The following CACNA1E variants were observed in gnomAD, a reference collection of about 807,000 sequenced individuals.
CACNA1E encodes the protein calcium voltage-gated channel subunit alpha1 E.
In CACNA1E, 40 loss-of-function variants were observed where a neutral mutation model predicts 259.2. The ratio of observed to expected loss-of-function variants is 0.15; its 90% CI spans 0.12 to 0.20. CACNA1E has a LOEUF of 0.20. CACNA1E is among the 10% of genes least tolerant of loss of function. The pLI is 1.00. For synonymous variants in CACNA1E, 1,104 were observed against 1,138.5 expected, an observed-to-expected ratio of 0.97 and a Z score of 0.61; for missense variants, 1,874 against 3,040.1, an observed-to-expected ratio of 0.62 and a Z score of 9.02.
intron 1 of CACNA1E, among the ~76,000 whole-genome samples, chr1:181,334,226 G>A (rs1008794385): frequency 1.2e-4 from 18 of 152,152 alleles, no homozygotes; most frequent in African/African-American, 3.9e-4. Context: ...CCCTCTCCTC[G>A]TGTTCATTGC....
In CACNA1E at chr1:181,726,068, G is replaced by T; in HGVS notation, c.2146G>T (p.Glu716Ter). The T allele has an allele frequency of 6.2e-7, 1 of 1,610,528 alleles. No individual in the cohort carries two copies. The highest frequency in any genetic ancestry group is 1.1e-5 in the South Asian group (1 of 90,244). The change falls in exon 18 of 48, where the codon GAA (glutamate) becomes TAA (stop). Residue 716 changes from glutamate (E) to a stop codon, truncating the protein, a stop_gained. Transcript: ENST00000367573. LOFTEE classifies it high-confidence loss of function. ...GCCATCTCTGCTTTGTGTCTAGGAT[G>T]AACAGGAGGAAGAAGAGGCCTTCAA... ...LANAQELTKD[E>*]QEEEEAFNQK...
intron 1 of CACNA1E, among the ~76,000 whole-genome samples, chr1:181,488,026 T>C (rs1010192697): frequency 6.6e-6 from 1 of 152,238 alleles, no homozygotes; most frequent in Non-Finnish European, 1.5e-5. Flanking sequence ...TGATTTCTTA[T>C]TGTAGAGAAT....
At chr1:181,614,544 C>A (rs1482416744) in intron 6 of CACNA1E, among the ~76,000 whole-genome samples, 1 of 152,202 alleles carries the variant, frequency 6.6e-6, no homozygotes, top group Non-Finnish European at 1.5e-5. Flanking sequence ...GTGTTTGAAG[C>A]AGATACTTGC....
intron 3 of CACNA1E, among the ~76,000 whole-genome samples, chr1:181,524,374 C>A (rs1023751596): frequency 1.3e-5 from 2 of 152,192 alleles, no homozygotes; most frequent in African/African-American, 4.8e-5. Context: ...AACAATGTGA[C>A]CCGTACAGAG....
chr1:181,461,251 G>T (rs1046323327), intron 2 of CACNA1E, among the ~76,000 whole-genome samples: 22 of 152,148 alleles, frequency 1.4e-4, no homozygotes, highest in African/African-American at 5.1e-4. Flanking sequence ...TAGTTTAAAA[G>T]AAGTGTTGGG....
At chr1:181,595,069 T>C (rs1653025396) in intron 6 of CACNA1E, among the ~76,000 whole-genome samples, 1 of 152,228 alleles carries the variant, frequency 6.6e-6, no homozygotes, top group Non-Finnish European at 1.5e-5. Flanking sequence ...TGTTAGGATA[T>C]TTCTCTTTCC....
At chr1:181,325,928 C>A (rs1038539933) in intron 1 of CACNA1E, among the ~76,000 whole-genome samples, 21 of 152,212 alleles carry the variant, frequency 1.4e-4, no homozygotes, top group Admixed American at 1.3e-3. Flanking sequence ...TGTGTGCCTG[C>A]CACACCAGGC....
At chr1:181,787,568 T>C (rs1660953749) in intron 43 of CACNA1E, among the ~76,000 whole-genome samples, 1 of 152,198 alleles carries the variant, frequency 6.6e-6, no homozygotes. Flanking sequence ...CAATATTTAT[T>C]AAGAGCCAAT....
At chr1:181,471,384 C>T (rs1272808766) in intron 2 of CACNA1E, among the ~76,000 whole-genome samples, 1 of 152,212 alleles carries the variant, frequency 6.6e-6, no homozygotes, top group Non-Finnish European at 1.5e-5. Context: ...CTTAGTTTCT[C>T]TGATCTTTAT....
rs190461818 is a variant in CACNA1E, at chr1:181,696,857, A to G, written c.1056-14097A>G. Among the ~76,000 whole-genome samples the G allele has an allele frequency of 5.3e-5, 8 of 152,342 alleles. No homozygotes were observed. In the East Asian group the frequency reaches 1.5e-3, roughly 29 times the overall value. On this transcript the variant is annotated intron_variant, in intron 7 of 47. Coordinates refer to ENST00000367573, the MANE Select transcript of CACNA1E (RefSeq NM_001205293.3). Reference sequence around the variant, plus strand: ...TGATTACTTGCAAAAGAATTTGACTATTTTATTTATGCTAGTGACAACTAG... The same window carrying G: ...TGATTACTTGCAAAAGAATTTGACTGTTTTATTTATGCTAGTGACAACTAG...
At chr1:181,472,611 G>A (rs1662583657) in intron 2 of CACNA1E, among the ~76,000 whole-genome samples, 1 of 152,214 alleles carries the variant, frequency 6.6e-6, no homozygotes. Flanking sequence ...ATGACACCGA[G>A]TTTACAAAGC....
chr1:181,385,458 A>G (rs746882870), intron 1 of CACNA1E, among the ~76,000 whole-genome samples: 86 of 152,186 alleles, frequency 5.7e-4, no homozygotes, highest in Non-Finnish European at 1.0e-3. Context: ...TCTATTTTTC[A>G]TTTCACTGGG....
chr1:181,612,294 C>T (rs1280210121), intron 6 of CACNA1E, among the ~76,000 whole-genome samples: 3 of 152,216 alleles, frequency 2.0e-5, no homozygotes, highest in Admixed American at 6.5e-5. Context: ...ATCTCAGTCA[C>T]GTGATGCACT....
chr1:181,319,214 T>C (rs1650158579), intron 1 of CACNA1E, among the ~76,000 whole-genome samples: 1 of 152,134 alleles, frequency 6.6e-6, no homozygotes, highest in Admixed American at 6.5e-5. Context: ...AATCACACTG[T>C]GTCATAGAGG....
At chr1:181,657,043 A>G (rs932069205) in intron 7 of CACNA1E, among the ~76,000 whole-genome samples, 4 of 152,216 alleles carry the variant, frequency 2.6e-5, no homozygotes, top group Non-Finnish European at 5.9e-5. Context: ...TAAGCCATAC[A>G]TGACTGTATG....
intron 1 of CACNA1E, among the ~76,000 whole-genome samples, chr1:181,488,286 T>A (rs1448155422): frequency 3.3e-5 from 5 of 152,206 alleles, no homozygotes; most frequent in African/African-American, 1.2e-4. Context: ...AACTAGTGAA[T>A]CATGAGTCAA....
chr1:181,337,125 CT>C (rs991412073), intron 1 of CACNA1E, among the ~76,000 whole-genome samples: 32 of 150,812 alleles, frequency 2.1e-4, no homozygotes, highest in Middle Eastern at 3.4e-3. Flanking sequence ...TACATAGTTC[CT>C]TTTTTGTGTG....
At chr1:181,472,998 T>C (rs1394429710) in intron 2 of CACNA1E, among the ~76,000 whole-genome samples, 1 of 152,132 alleles carries the variant, frequency 6.6e-6, no homozygotes, top group Non-Finnish European at 1.5e-5. Flanking sequence ...CTGAGTCCTT[T>C]AGTGGCATGG....
At chr1:181,649,592 T>C (rs1306749350) in intron 6 of CACNA1E, among the ~76,000 whole-genome samples, 2 of 152,130 alleles carry the variant, frequency 1.3e-5, no homozygotes, top group Non-Finnish European at 2.9e-5. Flanking sequence ...AGCAAAGACA[T>C]GGAATCAACC....
Sources: gnomAD v4.1 joint callset for allele counts (sites outside exome capture counted in the v4.1 genomes callset) on GRCh38, gnomAD v4.1.1 for gene constraint, MANE v1.5 for transcripts, NCBI Gene and HGNC (gene_info 2026-07-23, HGNC 2026-07-21) for gene names.